Variants in CCDC68 observed in about 807,000 individuals in gnomAD.
CCDC68 encodes coiled-coil domain-containing protein 68.
In CCDC68, 45 loss-of-function variants were observed where a neutral mutation model predicts 47.1. That is an observed-to-expected ratio of 0.96 (90% CI 0.75 to 1.23). The LOEUF is 1.23. Among genes scored for constraint, CCDC68 ranks in the 50% most tolerant of loss-of-function variants. CCDC68 has a pLI of 0.00. For missense variants in CCDC68, 353 were observed against 373.6 expected, an observed-to-expected ratio of 0.94 and a Z score of 0.45; for synonymous variants, 131 against 129.5, an observed-to-expected ratio of 1.01 and a Z score of -0.08.
rs773697746 is a variant in CCDC68 at position 54,930,695 on chromosome 18, C to CCTCT, written c.601-1817_601-1814dup. Among the ~76,000 whole-genome samples, 74 of 73,796 alleles carry CCTCT rather than the reference C, an allele frequency of 1.0e-3. 1 individual carries two copies. Among genetic ancestry groups the CCTCT allele is most frequent in the Middle Eastern group, 8.1e-3 (1 of 124 alleles). 48.4% of individuals were successfully genotyped at this position (73,796 alleles called of 152,430 possible). A position where few individuals can be genotyped will look rare whatever the true frequency, so the allele number is the denominator to read the frequency against. Reference sequence around the variant, plus strand: ...CCTTCCCTCCCTCCCTCCCTCCCTCCCTCTCTCTCTCTCTCTCTCTCTCTT... The same window carrying CCTCT: ...CCTTCCCTCCCTCCCTCCCTCCCTCCCTCTCTCTCTCTCTCTCTCTCTCTCTCTT... On this transcript the variant is annotated intron_variant, in intron 7 of 11. Coordinates refer to ENST00000591504, the MANE Select transcript of CCDC68 (RefSeq NM_025214.3).
chr18:54,939,818 T>A (rs1356217530), intron 4 of CCDC68, among the ~76,000 whole-genome samples: 1 of 151,712 alleles, frequency 6.6e-6, no homozygotes, highest in African/African-American at 2.4e-5. Context: ...CCATAAGAGG[T>A]CAGCAGATCA....
chr18:54,909,845 C>T (rs1914249254), intron 10 of CCDC68, among the ~76,000 whole-genome samples: 1 of 152,260 alleles, frequency 6.6e-6, no homozygotes, highest in South Asian at 2.1e-4. Context: ...AAGAGAGAGT[C>T]ACAGCCCTGG....
At chr18:54,956,239 C>T (rs779570020) in intron 1 of CCDC68, among the ~76,000 whole-genome samples, 84 of 152,192 alleles carry the variant, frequency 5.5e-4, no homozygotes, top group South Asian at 1.2e-3. Flanking sequence ...CTGCCCAGCT[C>T]AGCCTCCCAA....
Position 54,901,705 on chromosome 18 carries a change from C to A in CCDC68, c.*2653G>T, listed in dbSNP as rs1188856306. ...AACTAAGTTTCTTTTCTTTTCCTGA[C>A]TTCATGTATGAATTTCAGACCCACC... is the stretch of plus-strand genomic sequence containing the variant. On this transcript the variant is annotated 3_prime_UTR_variant, in exon 12 of 12. Transcript: ENST00000591504. 6.6e-6 allele frequency: 1 copy of A among 152,108 alleles called. No individual in the cohort carries two copies. The highest frequency in any genetic ancestry group is 1.5e-5 in the Non-Finnish European group (1 of 68,008). The allele number at this position is 152,108 out of a possible 1,614,324, so 9.4% of individuals were successfully genotyped here. A position where few individuals can be genotyped will look rare whatever the true frequency, so the allele number is the denominator to read the frequency against.
intron 7 of CCDC68, among the ~76,000 whole-genome samples, chr18:54,933,686 C>T (rs1484280173): frequency 6.6e-6 from 1 of 152,160 alleles, no homozygotes; most frequent in Non-Finnish European, 1.5e-5. Flanking sequence ...CCTGGATAAA[C>T]TAATTGCTTA....
Position 54,932,554 on chromosome 18 carries a change from C to T in CCDC68, c.600+2266G>A, listed in dbSNP as rs563519473. Among the ~76,000 whole-genome samples the T allele has an allele frequency of 2.6e-5, 4 of 152,268 alleles. No homozygotes were observed. The East Asian group carries it at 7.7e-4, about 29-fold the overall frequency. ...CCTCCACATCATCCACACTTACCTC[C>T]ACCCTCCAGAGATTCCAGTAGGCTT... is the stretch of plus-strand genomic sequence containing the variant. On this transcript the variant is annotated intron_variant, in intron 7 of 11. Transcript: ENST00000591504.
chr18:54,907,445 C>A (rs1023780043), intron 11 of CCDC68, among the ~76,000 whole-genome samples: 13 of 152,072 alleles, frequency 8.5e-5, no homozygotes, highest in Admixed American at 8.5e-4. Flanking sequence ...AAATGTCCAT[C>A]AATGGCATAA....
chr18:54,919,545 G>A (rs1344376786), intron 8 of CCDC68, among the ~76,000 whole-genome samples, 169 bp from the exon 9 acceptor site: 2 of 152,208 alleles, frequency 1.3e-5, no homozygotes, highest in South Asian at 2.1e-4. Context: ...AAATAGCTAT[G>A]AAGCGGGCTC....
At chr18:54,942,989 G>T in intron 2 of CCDC68, 186 bp from the exon 3 acceptor site, 1 of 402,806 alleles carries the variant, frequency 2.5e-6, no homozygotes, top group Non-Finnish European at 4.4e-6. Context: ...ATCATCTGAA[G>T]GAATCATTAA....
intron 5 of CCDC68, chr18:54,937,755 A>G (rs568286916): frequency 2.4e-6 from 1 of 419,242 alleles, no homozygotes; most frequent in East Asian, 4.1e-5. Flanking sequence ...GATATTTTCA[A>G]TAACAAAAGA....
At chr18:54,934,989 T>C (rs760999622) in intron 6 of CCDC68, 41 bp from the exon 7 acceptor site, 1 of 1,481,682 alleles carries the variant, frequency 6.7e-7, no homozygotes, top group South Asian at 1.5e-5. Flanking sequence ...AACTCTGTTT[T>C]TCTTAAACCT....
chr18:54,951,199 C>T (rs72930953), intron 1 of CCDC68, among the ~76,000 whole-genome samples: 25 of 152,168 alleles, frequency 1.6e-4, no homozygotes, highest in Non-Finnish European at 2.9e-4. Context: ...TGAGCCACCG[C>T]GCCCGGCCCA....
intron 7 of CCDC68, among the ~76,000 whole-genome samples, chr18:54,934,554 C>G (rs1180850756): frequency 6.6e-6 from 1 of 152,128 alleles, no homozygotes; most frequent in Non-Finnish European, 1.5e-5. Context: ...TTCTAAGTCA[C>G]ATATTTCCTA....
intron 3 of CCDC68, 104 bp from the exon 4 acceptor site, chr18:54,941,187 A>G (rs1599081223): frequency 3.0e-6 from 2 of 673,482 alleles, no homozygotes. Flanking sequence ...AAAGTAATAC[A>G]TATATACATA....
In CCDC68 at chr18:54,947,311, G is replaced by A. The variant is rs1055672024; in HGVS notation, c.-102-1834C>T. ...TTCCTAGACAAGTGCCTTTCAAACAGGGCTCCCAGGGAGGAGGCAGAGGGC... is the reference window on the plus strand; with the variant it reads ...TTCCTAGACAAGTGCCTTTCAAACAAGGCTCCCAGGGAGGAGGCAGAGGGC... On this transcript the variant is annotated intron_variant, in intron 1 of 11. Coordinates refer to ENST00000591504, the MANE Select transcript of CCDC68 (RefSeq NM_025214.3). Among the ~76,000 whole-genome samples the A allele has an allele frequency of 8.7e-4, 132 of 152,234 alleles. 1 individual carries two copies. Among genetic ancestry groups the A allele is most frequent in the African/African-American group, 3.1e-3 (127 of 41,458 alleles).
At chr18:54,952,645 C>A (rs1033335702) in intron 1 of CCDC68, among the ~76,000 whole-genome samples, 6 of 152,152 alleles carry the variant, frequency 3.9e-5, no homozygotes, top group African/African-American at 1.4e-4. Context: ...ATAAAACCTG[C>A]ACACAAATGT....
intron 8 of CCDC68, among the ~76,000 whole-genome samples, chr18:54,922,334 GAACA>G (rs937433312): frequency 6.6e-6 from 1 of 152,150 alleles, no homozygotes; most frequent in Non-Finnish European, 1.5e-5. Flanking sequence ...CAAACATTCT[GAACA>G]AACAGTGAGA....
intron 1 of CCDC68, among the ~76,000 whole-genome samples, chr18:54,950,675 A>T (rs2044598119): frequency 1.3e-5 from 2 of 151,878 alleles, no homozygotes. Context: ...ATTTGTGTAA[A>T]CACAATATAT....
intron 10 of CCDC68, among the ~76,000 whole-genome samples, 164 bp from the exon 11 acceptor site, chr18:54,908,026 A>G (rs952157547): frequency 2.0e-5 from 3 of 152,212 alleles, no homozygotes; most frequent in Non-Finnish European, 4.4e-5. Flanking sequence ...GTCACTAAAT[A>G]TTATCTCTGA....
Sources: gnomAD v4.1 joint callset for allele counts (sites outside exome capture counted in the v4.1 genomes callset) on GRCh38, gnomAD v4.1.1 for gene constraint, MANE v1.5 for transcripts, NCBI Gene and HGNC (gene_info 2026-07-23, HGNC 2026-07-21) for gene names.